The following WWOX variants were observed in gnomAD, a reference collection of about 807,000 sequenced individuals.
The protein encoded by WWOX is WW domain-containing oxidoreductase.
WWOX carries 69 observed loss-of-function variants against 46.2 expected under a neutral mutation model. That is an observed-to-expected ratio of 1.49 (90% CI 1.23 to 1.82). The LOEUF (loss-of-function observed/expected upper bound fraction) is 1.82. Among genes scored for constraint, WWOX ranks in the 40% most tolerant of loss-of-function variants. WWOX has a pLI of 0.00. For missense variants in WWOX, 919 were observed against 542.6 expected (o/e 1.69, Z -6.89); for synonymous variants, 359 against 202.6 (o/e 1.77, Z -6.56).
At chr16:79,197,285 A>C (rs558742421) in intron 8 of WWOX, among the ~76,000 whole-genome samples, 99 of 152,306 alleles carry the variant, frequency 6.5e-4, no homozygotes, top group African/African-American at 2.3e-3. Flanking sequence ...TTCCTCAAAA[A>C]TTCTTACAGC....
intron 8 of WWOX, among the ~76,000 whole-genome samples, chr16:78,796,423 G>A (rs2050739344): frequency 6.6e-6 from 1 of 152,336 alleles, no homozygotes; most frequent in South Asian, 2.1e-4. Flanking sequence ...ACTTCCACCT[G>A]CTTCCCATTG....
chr16:78,428,712 C>T (rs534974402), intron 7 of WWOX, among the ~76,000 whole-genome samples: 1 of 152,216 alleles, frequency 6.6e-6, no homozygotes, highest in South Asian at 2.1e-4. Flanking sequence ...TTATTCTTAA[C>T]AGTAGAAAAT....
intron 8 of WWOX, among the ~76,000 whole-genome samples, chr16:78,492,628 T>A (rs567555018): frequency 1.3e-5 from 2 of 152,336 alleles, no homozygotes; most frequent in Admixed American, 6.5e-5. Flanking sequence ...CAAAGAAGAC[T>A]GAATTTATGA....
intron 5 of WWOX, among the ~76,000 whole-genome samples, chr16:78,322,640 A>T (rs906767546): frequency 3.9e-5 from 6 of 152,240 alleles, no homozygotes; most frequent in African/African-American, 1.2e-4. Context: ...CTTCATCACC[A>T]GGTGTGGCTA....
At chr16:78,777,736 T>A (rs1469851853) in intron 8 of WWOX, among the ~76,000 whole-genome samples, 1 of 152,176 alleles carries the variant, frequency 6.6e-6, no homozygotes, top group African/African-American at 2.4e-5. Context: ...GATACTAGGA[T>A]AGGCACTTTG....
At chr16:78,452,849 T>A (rs1218002576) in intron 8 of WWOX, among the ~76,000 whole-genome samples, 1 of 137,948 alleles carries the variant, frequency 7.2e-6, no homozygotes, top group East Asian at 2.4e-4. Flanking sequence ...TGGCTGCTAT[T>A]GTTTTCCAGT....
chr16:78,842,543 C>G (rs1355299171), intron 8 of WWOX, among the ~76,000 whole-genome samples: 3 of 151,906 alleles, frequency 2.0e-5, no homozygotes, highest in Non-Finnish European at 2.9e-5. Flanking sequence ...GGGAAAGGAT[C>G]TAAGATGATT....
intron 8 of WWOX, among the ~76,000 whole-genome samples, chr16:78,599,347 G>C (rs1316918597): frequency 6.6e-6 from 1 of 152,140 alleles, no homozygotes; most frequent in East Asian, 1.9e-4. Flanking sequence ...TCTCCACCTT[G>C]GGCTTGAGAC....
At chr16:78,827,423 A>G (rs904191232) in intron 8 of WWOX, among the ~76,000 whole-genome samples, 1 of 152,076 alleles carries the variant, frequency 6.6e-6, no homozygotes, top group Non-Finnish European at 1.5e-5. Context: ...CTCCAGGGTC[A>G]GGTGTGTAGT....
At chr16:78,432,457 G>C (rs375298336) in intron 7 of WWOX, 31 bp from the exon 8 acceptor site, 10 of 1,610,550 alleles carry the variant, frequency 6.2e-6, no homozygotes, top group Middle Eastern at 1.7e-4. Flanking sequence ...TCAGAACTTG[G>C]TTGCTTCATG....
chr16:78,621,137 A>G (rs894552987), intron 8 of WWOX, among the ~76,000 whole-genome samples: 1 of 152,150 alleles, frequency 6.6e-6, no homozygotes, highest in Non-Finnish European at 1.5e-5. Context: ...TGGGCAGGGT[A>G]TAGTGCAGAA....
intron 8 of WWOX, among the ~76,000 whole-genome samples, chr16:78,531,579 A>G (rs2043622706): frequency 6.6e-6 from 1 of 152,186 alleles, no homozygotes; most frequent in Non-Finnish European, 1.5e-5. Context: ...GTGGTGGCTC[A>G]TGACTGTAAT....
intron 8 of WWOX, among the ~76,000 whole-genome samples, chr16:78,931,963 C>A (rs149751262): frequency 2.0e-5 from 3 of 152,160 alleles, no homozygotes; most frequent in Admixed American, 2.0e-4. Flanking sequence ...GGGCAGTTCC[C>A]CTGCACAAAC....
At chr16:78,927,496 C>G (rs1015687402) in intron 8 of WWOX, among the ~76,000 whole-genome samples, 1 of 152,076 alleles carries the variant, frequency 6.6e-6, no homozygotes, top group Non-Finnish European at 1.5e-5. Context: ...AGCACGGAGC[C>G]CAGAGCCAGA....
intron 8 of WWOX, among the ~76,000 whole-genome samples, chr16:78,586,195 G>A (rs1211984034): frequency 3.3e-5 from 5 of 152,000 alleles, no homozygotes; most frequent in Non-Finnish European, 5.9e-5. Context: ...TGTTTCTTAA[G>A]AAAAAAGAAA....
At chr16:79,051,951 G>A (rs1387447180) in intron 8 of WWOX, among the ~76,000 whole-genome samples, 3 of 152,094 alleles carry the variant, frequency 2.0e-5, no homozygotes, top group Non-Finnish European at 2.9e-5. Context: ...ATTTGAAGGT[G>A]TTTTTACCTT....
intron 8 of WWOX, among the ~76,000 whole-genome samples, chr16:79,145,083 C>T (rs1000046341): frequency 2.0e-5 from 3 of 152,024 alleles, no homozygotes; most frequent in Non-Finnish European, 4.4e-5. Context: ...TTGAATGGTG[C>T]CACTGATTAT....
At chr16:78,460,305 T>C (rs536122460) in intron 8 of WWOX, among the ~76,000 whole-genome samples, 1 of 152,198 alleles carries the variant, frequency 6.6e-6, no homozygotes, top group Admixed American at 6.5e-5. Context: ...TTTTTCTATT[T>C]TTAGTAGAGG....
chr16:78,365,402 A>G (rs1227068453), intron 5 of WWOX, among the ~76,000 whole-genome samples: 1 of 152,192 alleles, frequency 6.6e-6, no homozygotes, highest in Non-Finnish European at 1.5e-5. Flanking sequence ...CGTCTAAATC[A>G]GGTGCTTGCT....
Sources: allele counts gnomAD v4.1 joint callset (sites outside exome capture counted in the v4.1 genomes callset), GRCh38; gene constraint gnomAD v4.1.1; transcripts MANE v1.5; gene names NCBI Gene and HGNC (gene_info 2026-07-23, HGNC 2026-07-21).